Variants in NHS observed in about 807,000 individuals in gnomAD.
NHS encodes the protein actin remodeling regulator NHS.
In NHS, 5 loss-of-function variants were observed where a neutral mutation model predicts 72.5. The observed-to-expected ratio is 0.07, with a 90% CI of 0.04 to 0.14. The LOEUF (loss-of-function observed/expected upper bound fraction) is 0.14. NHS is among the 10% of genes least tolerant of loss of function. The probability of loss-of-function intolerance (pLI) is 1.00; values close to 1 mark genes in which losing one functional copy is unlikely to be tolerated. For synonymous variants in NHS, 464 were observed against 547.7 expected (o/e 0.85, Z 2.13); for missense variants, 1,072 against 1,355.7 (o/e 0.79, Z 3.29).
chrX:17,489,779 G>A (rs749753349), intron 1 of NHS, among the ~76,000 whole-genome samples: 11 of 112,083 alleles, frequency 9.8e-5, no homozygotes, highest in South Asian at 3.7e-4. Context: ...GAGCCACAGC[G>A]CCCGGCTCTG....
intron 3 of NHS, among the ~76,000 whole-genome samples, chrX:17,712,290 T>TATATATATATAC (rs1396937988): frequency 8.9e-4 from 47 of 52,970 alleles, no homozygotes; most frequent in Non-Finnish European, 1.4e-3. Flanking sequence ...TATATATATA[T>TATATATATATAC]ACACACACAC....
At chrX:17,647,253 G>A (rs2065910266) in intron 1 of NHS, among the ~76,000 whole-genome samples, 1 of 112,303 alleles carries the variant, frequency 8.9e-6, no homozygotes, top group African/African-American at 3.2e-5. Context: ...AGAAACTGGT[G>A]GAAAGTCCAA....
At chrX:17,517,362 T>C (rs185738273) in intron 1 of NHS, among the ~76,000 whole-genome samples, 1 of 112,241 alleles carries the variant, frequency 8.9e-6, no homozygotes, top group African/African-American at 3.2e-5. Context: ...TCTAGACCAA[T>C]TAAATCAGAA....
intron 1 of NHS, among the ~76,000 whole-genome samples, chrX:17,506,242 C>T (rs1401348142): frequency 1.8e-5 from 2 of 111,350 alleles, no homozygotes; most frequent in Non-Finnish European, 3.8e-5. Context: ...AAGTCAGGTG[C>T]ACTTGGCTGG....
chrX:17,441,595 T>A (rs1483615743), intron 1 of NHS, among the ~76,000 whole-genome samples: 1 of 111,883 alleles, frequency 8.9e-6, no homozygotes, highest in Non-Finnish European at 1.9e-5. Flanking sequence ...TGCCCTGTAC[T>A]GTATCATGGG....
At chrX:17,640,214 A>G (rs1025246511) in intron 1 of NHS, among the ~76,000 whole-genome samples, 2 of 111,698 alleles carry the variant, frequency 1.8e-5, no homozygotes, top group Non-Finnish European at 3.8e-5. Context: ...AGAATCTTCT[A>G]GTTTTCTCTG....
rs190493067 is a variant in NHS at position 17,595,293 on chromosome X, C to T, written c.566-92449C>T. 1.7e-3 allele frequency among the ~76,000 whole-genome samples: 185 copies of T among 111,714 alleles called. 1 individual carries two copies. The highest frequency in any genetic ancestry group is 2.8e-3 in the Non-Finnish European group (148 of 53,128). ...ACTGATGGTATAGACACTTTCCCTA[C>T]CCATTCTTTGTGAGCCATCTGCTGC... On this transcript the variant is annotated intron_variant, in intron 1 of 8. Transcript: ENST00000676302.
At position 17,621,655 on chromosome X, in the gene NHS, CT is replaced by C. The variant is rs956495628; in HGVS notation, c.566-66083del. Among the ~76,000 whole-genome samples the C allele has an allele frequency of 3.6e-5, 4 of 111,737 alleles. 1 individual carries two copies. Reference sequence around the variant, plus strand: ...TCTCCTTTCTGCTCCTACCCATTAGCTTTTATCCTCAGAGATCTTCCCCTTC... The same window carrying C: ...TCTCCTTTCTGCTCCTACCCATTAGCTTTATCCTCAGAGATCTTCCCCTTC... On this transcript the variant is annotated intron_variant, in intron 1 of 8. Coordinates refer to ENST00000676302, the MANE Select transcript of NHS (RefSeq NM_001291867.2).
At chrX:17,622,615 G>A (rs1329229489) in intron 1 of NHS, among the ~76,000 whole-genome samples, 2 of 112,191 alleles carry the variant, frequency 1.8e-5, no homozygotes, top group East Asian at 2.8e-4. Context: ...TGCTTGGGGC[G>A]GGAATAAGTT....
At chrX:17,692,662 T>A (rs1444323633) in intron 3 of NHS, among the ~76,000 whole-genome samples, 194 bp downstream of exon 3, 2 of 111,435 alleles carry the variant, frequency 1.8e-5, no homozygotes, top group African/African-American at 6.5e-5. Context: ...TACAGACATA[T>A]TTTTTAGTTA....
In NHS at chrX:17,587,079, GATTA is replaced by G. The variant is rs751381108; in HGVS notation, c.566-100655_566-100652del. 3.6e-5 allele frequency: 4 copies of G among 112,144 alleles called. No individual in the cohort carries two copies. The South Asian group carries it at 1.1e-3, about 31-fold the overall frequency. The allele number at this position is 112,144 out of a possible 1,213,427, so 9.2% of individuals were successfully genotyped here. A position where few individuals can be genotyped will look rare whatever the true frequency, so the allele number is the denominator to read the frequency against. ...ATACATTGACATATATTAATCCATT[GATTA>G]ATTAATTTATGAGGCAACTGCCATC... On this transcript the variant is annotated intron_variant, in intron 1 of 8. Coordinates refer to ENST00000676302, the MANE Select transcript of NHS (RefSeq NM_001291867.2).
At chrX:17,486,107 T>C (rs958161310) in intron 1 of NHS, among the ~76,000 whole-genome samples, 2 of 112,228 alleles carry the variant, frequency 1.8e-5, no homozygotes, top group Non-Finnish European at 3.8e-5. Context: ...TAGTGTGACA[T>C]CTGTCTGCAT....
chrX:17,609,819 G>C (rs1190007005), intron 1 of NHS, among the ~76,000 whole-genome samples: 1 of 111,544 alleles, frequency 9.0e-6, no homozygotes, highest in Non-Finnish European at 1.9e-5. Flanking sequence ...CTGAGACATA[G>C]GATTAGCAGC....
chrX:17,635,136 A>G (rs754054211), intron 1 of NHS, among the ~76,000 whole-genome samples: 238 of 111,604 alleles, frequency 2.1e-3, no homozygotes, highest in African/African-American at 7.2e-3. Context: ...ACAAGCTCCC[A>G]GGTTGATGCC....
chrX:17,417,083 A>G (rs916968072), intron 1 of NHS, among the ~76,000 whole-genome samples: 2 of 103,438 alleles, frequency 1.9e-5, no homozygotes, highest in Non-Finnish European at 3.8e-5. Context: ...GAATTTAAGA[A>G]AACAGAATAC....
At chrX:17,592,681 A>T (rs1183276964) in intron 1 of NHS, among the ~76,000 whole-genome samples, 2 of 112,040 alleles carry the variant, frequency 1.8e-5, no homozygotes, top group African/African-American at 3.2e-5. Context: ...ATGACTTTTT[A>T]AAAAAAGAGA....
At chrX:17,642,751 G>T (rs1010934219) in intron 1 of NHS, among the ~76,000 whole-genome samples, 1 of 111,996 alleles carries the variant, frequency 8.9e-6, no homozygotes, top group East Asian at 2.8e-4. Flanking sequence ...TTCTCCAGGG[G>T]TCTTTGTTTT....
chrX:17,716,536 G>T (rs1184615372), intron 3 of NHS, among the ~76,000 whole-genome samples: 1 of 110,924 alleles, frequency 9.0e-6, no homozygotes, highest in Admixed American at 9.6e-5. Context: ...GTCTGTGGCT[G>T]ATTTTTAGGA....
intron 3 of NHS, among the ~76,000 whole-genome samples, chrX:17,698,223 AAAAG>A (rs1312491726): frequency 8.9e-6 from 1 of 111,877 alleles, no homozygotes; most frequent in African/African-American, 3.2e-5. Flanking sequence ...ATGACCAAGA[AAAAG>A]AGAGAGAAAA....
Sources: gnomAD v4.1 joint callset for allele counts (sites outside exome capture counted in the v4.1 genomes callset) on GRCh38, gnomAD v4.1.1 for gene constraint, MANE v1.5 for transcripts, NCBI Gene and HGNC (gene_info 2026-07-23, HGNC 2026-07-21) for gene names.